DCUN1D5: variants seen among roughly 807,000 people sequenced by gnomAD.
The protein encoded by DCUN1D5 is DCN1-like protein 5.
DCUN1D5 carries 10 observed loss-of-function variants against 38.3 expected under a neutral mutation model. That is an observed-to-expected ratio of 0.26 (90% CI 0.16 to 0.44). DCUN1D5 has a LOEUF of 0.44. Among genes scored for constraint, DCUN1D5 ranks in the 20% least tolerant of loss-of-function variants. DCUN1D5 has a pLI of 1.00. For missense variants in DCUN1D5, 148 were observed against 275.3 expected, an observed-to-expected ratio of 0.54 and a Z score of 3.27; for synonymous variants, 93 against 90.9, an observed-to-expected ratio of 1.02 and a Z score of -0.13.
rs1287285212 is a variant in DCUN1D5 at position 103,054,988 on chromosome 11, G to A, written c.*7371C>T. 1.3e-5 allele frequency: 2 copies of A among 152,068 alleles called. No individual in the cohort carries two copies. The highest frequency in any genetic ancestry group is 2.9e-5 in the Non-Finnish European group (2 of 67,976). 9.4% of individuals were successfully genotyped at this position (152,068 alleles called of 1,614,324 possible). A position where few individuals can be genotyped will look rare whatever the true frequency, so the allele number is the denominator to read the frequency against. ...TTATCCAAAATGCTTGGGACCGGAAGTGTTTTAGATTTCTTTTTTTTGATC... is the reference window on the plus strand; with the variant it reads ...TTATCCAAAATGCTTGGGACCGGAAATGTTTTAGATTTCTTTTTTTTGATC... On this transcript the variant is annotated 3_prime_UTR_variant, in exon 8 of 8. Coordinates refer to ENST00000260247, the MANE Select transcript of DCUN1D5 (RefSeq NM_032299.4).
rs1426483423 is a variant in DCUN1D5 at position 103,058,718 on chromosome 11, TGAGG to T, written c.*3637_*3640del. On this transcript the variant is annotated 3_prime_UTR_variant, in exon 8 of 8. Transcript: ENST00000260247. ...AATAATTCAGACTAGCCTTTCCTATTGAGGAAGTTAATGAAATTGTTATTCCTCT... is the reference window on the plus strand; with the variant it reads ...AATAATTCAGACTAGCCTTTCCTATTAAGTTAATGAAATTGTTATTCCTCT... Among the ~76,000 whole-genome samples, 2 of 152,076 alleles carry T rather than the reference TGAGG, an allele frequency of 1.3e-5. No homozygotes were observed. Among genetic ancestry groups the T allele is most frequent in the Non-Finnish European group, 2.9e-5 (2 of 67,974 alleles).
intron 2 of DCUN1D5, among the ~76,000 whole-genome samples, chr11:103,085,390 T>C (rs918484303): frequency 1.3e-5 from 2 of 152,186 alleles, no homozygotes; most frequent in African/African-American, 4.8e-5. Flanking sequence ...TGAGCCGAGA[T>C]TGCGCCACTG....
intron 4 of DCUN1D5, among the ~76,000 whole-genome samples, chr11:103,069,280 G>A (rs867513361): frequency 6.6e-5 from 10 of 152,152 alleles, no homozygotes; most frequent in African/African-American, 2.4e-4. Flanking sequence ...AATGGGGGCA[G>A]ACAAAAAGCC....
rs201932440 is a variant in DCUN1D5 at position 103,087,173 on chromosome 11, CTT to C, written c.178+2052_178+2053del. On this transcript the variant is annotated intron_variant, in intron 2 of 7. Transcript: ENST00000260247. This position sits in a 1 kb window ranked among gnomAD's most constrained non-coding sequence, Gnocchi z 4.1. ...AAACCCCATTTCTTTTTTTCTTTTT[CTT>C]TTTTTTTTTTTTTGAGGCAGAGTCT... 0.089 allele frequency among the ~76,000 whole-genome samples: 12,393 copies of C among 138,654 alleles called. 634 individuals are homozygous for C. The highest frequency in any genetic ancestry group is 0.12 in the Non-Finnish European group (7,631 of 64,192). 91.0% of individuals were successfully genotyped at this position (138,654 alleles called of 152,430 possible). A position where few individuals can be genotyped will look rare whatever the true frequency, so the allele number is the denominator to read the frequency against.
Position 103,057,503 on chromosome 11 carries a change from G to A in DCUN1D5, c.*4856C>T, listed in dbSNP as rs1194564705. Among the ~76,000 whole-genome samples, 1 of 151,708 alleles carries A rather than the reference G, an allele frequency of 6.6e-6. No individual in the cohort carries two copies. The highest frequency in any genetic ancestry group is 2.4e-5 in the African/African-American group (1 of 41,256). On this transcript the variant is annotated 3_prime_UTR_variant, in exon 8 of 8. Coordinates refer to ENST00000260247, the MANE Select transcript of DCUN1D5 (RefSeq NM_032299.4). The surrounding 1 kb of genome is among the most constrained non-coding windows in gnomAD (Gnocchi z 4.8). ...TGGGATCACTTGAGGGCAGGAGTTT[G>A]AGACCAGCCTGGCCAACATGGTGAA...
At position 103,062,286 on chromosome 11, in the gene DCUN1D5, T is replaced by C. The variant is rs374049721; in HGVS notation, c.*73A>G. On this transcript the variant is annotated 3_prime_UTR_variant, in exon 8 of 8. Coordinates refer to ENST00000260247, the MANE Select transcript of DCUN1D5 (RefSeq NM_032299.4). This position sits in a 1 kb window ranked among gnomAD's most constrained non-coding sequence, Gnocchi z 4.6. Reference sequence around the variant, plus strand: ...GAATGAAAATGCACCCGTTGGATTTTTTTCCCCCTCATCACATTAGCTTGT... The same window carrying C: ...GAATGAAAATGCACCCGTTGGATTTCTTTCCCCCTCATCACATTAGCTTGT... 1.4e-6 allele frequency: 2 copies of C among 1,437,872 alleles called. No individual in the cohort carries two copies. Among genetic ancestry groups the C allele is most frequent in the African/African-American group, 2.8e-5 (2 of 70,352 alleles). 89.1% of individuals were successfully genotyped at this position (1,437,872 alleles called of 1,614,324 possible).
rs1296121765 is a variant in DCUN1D5, at chr11:103,066,918, G to A, written c.342-351C>T. ...ATCACATATACAGCTAAAAATGGCA[G>A]AGCAAATGAAACTAATCACGCCTTT... On this transcript the variant is annotated intron_variant, in intron 4 of 7. Transcript: ENST00000260247. The surrounding 1 kb of genome is among the most constrained non-coding windows in gnomAD (Gnocchi z 4.7). Among the ~76,000 whole-genome samples the A allele has an allele frequency of 6.6e-6, 1 of 152,158 alleles. No homozygotes were observed. The highest frequency in any genetic ancestry group is 1.5e-5 in the Non-Finnish European group (1 of 68,010).
rs987848705 is a variant in DCUN1D5 at position 103,052,486 on chromosome 11, T to C, written c.*9873A>G. 2.6e-5 allele frequency: 4 copies of C among 152,216 alleles called. No homozygotes were observed. The highest frequency in any genetic ancestry group is 3.8e-4 in the East Asian group (2 of 5,204). 9.4% of individuals were successfully genotyped at this position (152,216 alleles called of 1,614,324 possible). ...CATGGTCTCTGTTCACAGAGCTGTT[T>C]CCTTTTTAAGGATCATAATCTTCAA... is the stretch of plus-strand genomic sequence containing the variant. On this transcript the variant is annotated 3_prime_UTR_variant, in exon 8 of 8. Coordinates refer to ENST00000260247, the MANE Select transcript of DCUN1D5 (RefSeq NM_032299.4).
Position 103,092,076 on chromosome 11 carries a change from G to T in DCUN1D5, c.-204C>A. ...TCTTTCTCTGACCGGGACAGGGCTG[G>T]CTCCTCGCCGGTGGACACTGCGGTT... On this transcript the variant is annotated 5_prime_UTR_variant, in exon 1 of 8. Transcript: ENST00000260247. 1 of 568,972 alleles carries T rather than the reference G, an allele frequency of 1.8e-6. No homozygotes were observed. Among genetic ancestry groups the T allele is most frequent in the South Asian group, 2.1e-5 (1 of 46,618 alleles). 35.2% of individuals were successfully genotyped at this position (568,972 alleles called of 1,614,324 possible).
rs1024750626 is a variant in DCUN1D5, at chr11:103,073,663, C to T, written c.342-7096G>A. 2.0e-5 allele frequency among the ~76,000 whole-genome samples: 3 copies of T among 152,080 alleles called. No homozygotes were observed. The highest frequency in any genetic ancestry group is 4.4e-5 in the Non-Finnish European group (3 of 68,020). On this transcript the variant is annotated intron_variant, in intron 4 of 7. Transcript: ENST00000260247. This position sits in a 1 kb window ranked among gnomAD's most constrained non-coding sequence, Gnocchi z 4.2. ...TTTACAGAAATTAATTCAAAATGCACCACTGACTTACATGTAAAATTTAAT... is the reference window on the plus strand; with the variant it reads ...TTTACAGAAATTAATTCAAAATGCATCACTGACTTACATGTAAAATTTAAT...
rs1862624329 is a variant in DCUN1D5 at position 103,083,609 on chromosome 11, C to G, written c.179-283G>C. On this transcript the variant is annotated intron_variant, in intron 2 of 7. Coordinates refer to ENST00000260247, the MANE Select transcript of DCUN1D5 (RefSeq NM_032299.4). The surrounding 1 kb of genome is among the most constrained non-coding windows in gnomAD (Gnocchi z 4.4). ...TCACAAGTTAGTACAAAAACTCAAA[C>G]CAATCCATTAAAAAAAAAATTCACT... 6.6e-6 allele frequency among the ~76,000 whole-genome samples: 1 copy of G among 151,506 alleles called. No homozygotes were observed. The highest frequency in any genetic ancestry group is 1.5e-5 in the Non-Finnish European group (1 of 67,798).
rs1490301589 is a variant in DCUN1D5 at position 103,091,840 on chromosome 11, C to T, written c.33G>A (p.Gly11=). 7 of 1,613,898 alleles carry T rather than the reference C, an allele frequency of 4.3e-6. No homozygotes were observed. In the Admixed American group the frequency reaches 6.7e-5, roughly 15 times the overall value. MPVKKKRKSP[G]VAAAVAEDGG... is the part of the protein sequence containing the mutation. ...CGTCTTCCGCTACTGCTGCTGCCACCCCAGGGGATTTTCTCTTCTTCTTCA... is the reference window on the plus strand; with the variant it reads ...CGTCTTCCGCTACTGCTGCTGCCACTCCAGGGGATTTTCTCTTCTTCTTCA... The change falls in exon 1 of 8, where the codon GGG becomes GGA. Residue 11 remains glycine (G), a synonymous_variant. Transcript: ENST00000260247. The surrounding 1 kb of genome is among the most constrained non-coding windows in gnomAD (Gnocchi z 4.3).
rs910169052 is a variant in DCUN1D5, at chr11:103,073,207, T to C, written c.342-6640A>G. Reference sequence around the variant, plus strand: ...TGTACAGGACGTATATGCCGAAAACTACACAAAACTGATGAAAAAAATCAA... The same window carrying C: ...TGTACAGGACGTATATGCCGAAAACCACACAAAACTGATGAAAAAAATCAA... On this transcript the variant is annotated intron_variant, in intron 4 of 7. Transcript: ENST00000260247. This position sits in a 1 kb window ranked among gnomAD's most constrained non-coding sequence, Gnocchi z 4.2. Among the ~76,000 whole-genome samples the C allele has an allele frequency of 7.2e-5, 11 of 151,928 alleles. No individual in the cohort carries two copies. The highest frequency in any genetic ancestry group is 2.7e-4 in the African/African-American group (11 of 41,364).
chr11:103,072,043 G>GA (rs575068188), intron 4 of DCUN1D5, among the ~76,000 whole-genome samples: 53 of 143,392 alleles, frequency 3.7e-4, no homozygotes, highest in South Asian at 4.3e-4. Context: ...ATAAAACTCA[G>GA]AAAAAAAAAA....
rs569103784 is a variant in DCUN1D5 at position 103,052,705 on chromosome 11, T to C, written c.*9654A>G. 2.0e-5 allele frequency: 3 copies of C among 152,342 alleles called. No homozygotes were observed. The highest frequency in any genetic ancestry group is 1.9e-4 in the East Asian group (1 of 5,188). 9.4% of individuals were successfully genotyped at this position (152,342 alleles called of 1,614,324 possible). On this transcript the variant is annotated 3_prime_UTR_variant, in exon 8 of 8. Transcript: ENST00000260247. ...TAATGAATCTAAGATAGAATTATCA[T>C]AAACCTTATAGTTCTAGTGTAAGTA...
In DCUN1D5 at chr11:103,091,804, T is replaced by C; in HGVS notation, c.69A>G (p.Lys23=). Residue 23 remains lysine, a synonymous_variant, in exon 1 of 8, where the codon AAA becomes AAG. Coordinates refer to ENST00000260247, the MANE Select transcript of DCUN1D5 (RefSeq NM_032299.4). The surrounding 1 kb of genome is among the most constrained non-coding windows in gnomAD (Gnocchi z 4.3). Reference sequence around the variant, plus strand: ...GATGGTACCTGGAGATTTTACACTTTTTGAGGCCTCCGTCTTCCGCTACTG... The same window carrying C: ...GATGGTACCTGGAGATTTTACACTTCTTGAGGCCTCCGTCTTCCGCTACTG... ...AAAVAEDGGL[K]KCKISSYCRS... The C allele has an allele frequency of 1.9e-6, 3 of 1,614,046 alleles. No homozygotes were observed. In the South Asian group the frequency reaches 3.3e-5, roughly 18 times the overall value.
rs544264308 is a variant in DCUN1D5 at position 103,084,966 on chromosome 11, G to A, written c.179-1640C>T. Among the ~76,000 whole-genome samples the A allele has an allele frequency of 2.6e-5, 4 of 152,136 alleles. No homozygotes were observed. In the East Asian group the frequency reaches 5.8e-4, roughly 22 times the overall value. ...CACGCCATTGTACTCCAGCCTGGGA[G>A]AGAGCAAGGCCCTGTCTCAAAAAAA... On this transcript the variant is annotated intron_variant, in intron 2 of 7. Coordinates refer to ENST00000260247, the MANE Select transcript of DCUN1D5 (RefSeq NM_032299.4).
chr11:103,054,943 A>AG lies in DCUN1D5; in HGVS notation c.*7415dup, dbSNP rs1861837012. On this transcript the variant is annotated 3_prime_UTR_variant, in exon 8 of 8. Coordinates refer to ENST00000260247, the MANE Select transcript of DCUN1D5 (RefSeq NM_032299.4). ...GCATTCATTAATTGAGATTGAATGT[A>AG]GGTGCAGGTTGAATATCTCTTATCC... is the stretch of plus-strand genomic sequence containing the variant. The AG allele has an allele frequency of 6.6e-6, 1 of 152,144 alleles. No individual in the cohort carries two copies. Among genetic ancestry groups the AG allele is most frequent in the Admixed American group, 6.5e-5 (1 of 15,272 alleles). 9.4% of individuals were successfully genotyped at this position (152,144 alleles called of 1,614,324 possible). A position where few individuals can be genotyped will look rare whatever the true frequency, so the allele number is the denominator to read the frequency against.
chr11:103,087,134 T>G lies in DCUN1D5; in HGVS notation c.178+2093A>C, dbSNP rs1862730334. Among the ~76,000 whole-genome samples, 1 of 151,562 alleles carries G rather than the reference T, an allele frequency of 6.6e-6. No individual in the cohort carries two copies. Among genetic ancestry groups the G allele is most frequent in the Non-Finnish European group, 1.5e-5 (1 of 67,924 alleles). On this transcript the variant is annotated intron_variant, in intron 2 of 7. Coordinates refer to ENST00000260247, the MANE Select transcript of DCUN1D5 (RefSeq NM_032299.4). The surrounding 1 kb of genome is among the most constrained non-coding windows in gnomAD (Gnocchi z 4.1). ...TGAGCCCAGGAGTTGGAGACCAGTT[T>G]GGGCAACATCGTGAAACCCCATTTC... is the stretch of plus-strand genomic sequence containing the variant.
Sources: gnomAD v4.1 joint callset for allele counts (sites outside exome capture counted in the v4.1 genomes callset) on GRCh38, gnomAD v4.1.1 for gene constraint, Gnocchi (gnomAD v3.1) non-coding constraint, MANE v1.5 for transcripts, NCBI Gene and HGNC (gene_info 2026-07-23, HGNC 2026-07-21) for gene names.